KHDRBS3: variants seen among roughly 807,000 people sequenced by gnomAD.
KHDRBS3 encodes KH RNA binding domain containing, signal transduction associated 3, also known as KH domain-containing, RNA-binding, signal transduction-associated protein 3.
Under a neutral mutation model 45.6 loss-of-function variants are expected in KHDRBS3, and 23 were observed. The observed-to-expected ratio is 0.50, with a 90% CI of 0.36 to 0.72. KHDRBS3 has a LOEUF of 0.72. Among genes scored for constraint, KHDRBS3 ranks in the 30% least tolerant of loss-of-function variants. The probability of loss-of-function intolerance (pLI) is 0.00; values close to 1 mark genes in which losing one functional copy is unlikely to be tolerated. For synonymous variants in KHDRBS3, 162 were observed against 156.5 expected, an observed-to-expected ratio of 1.04 and a Z score of -0.26; for missense variants, 352 against 424.8, an observed-to-expected ratio of 0.83 and a Z score of 1.51.
intron 4 of KHDRBS3, among the ~76,000 whole-genome samples, chr8:135,551,353 C>T (rs987401900): frequency 1.3e-5 from 2 of 152,092 alleles, no homozygotes; most frequent in Non-Finnish European, 2.9e-5. Flanking sequence ...GGAAAGCATT[C>T]AGTCTTTCAC....
intron 6 of KHDRBS3, among the ~76,000 whole-genome samples, chr8:135,587,476 TG>T (rs1241062285): frequency 6.6e-6 from 1 of 152,226 alleles, no homozygotes; most frequent in African/African-American, 2.4e-5. Context: ...AGATAGTGGA[TG>T]TTTTTTCAGT....
chr8:135,621,535 G>A (rs534589561), intron 7 of KHDRBS3, among the ~76,000 whole-genome samples: 6 of 152,212 alleles, frequency 3.9e-5, no homozygotes, highest in Admixed American at 6.5e-5. Context: ...GTCACTATTC[G>A]AATGTAAGCT....
intron 5 of KHDRBS3, among the ~76,000 whole-genome samples, chr8:135,562,391 T>C (rs1187297245): frequency 1.3e-5 from 2 of 152,342 alleles, no homozygotes; most frequent in East Asian, 3.9e-4. Flanking sequence ...CAGTAGGCTG[T>C]ATCATATAGC....
chr8:135,560,941 T>C (rs1827138420), intron 5 of KHDRBS3, among the ~76,000 whole-genome samples: 2 of 152,190 alleles, frequency 1.3e-5, no homozygotes. Context: ...CACAACCCAC[T>C]TTACTTCCTC....
chr8:135,546,365 A>G (rs562321071), intron 3 of KHDRBS3, among the ~76,000 whole-genome samples: 1 of 152,302 alleles, frequency 6.6e-6, no homozygotes, highest in South Asian at 2.1e-4. Flanking sequence ...CACTATTAAA[A>G]TCTAATGTGA....
intron 5 of KHDRBS3, among the ~76,000 whole-genome samples, chr8:135,562,918 TATG>T (rs1202167298): frequency 2.6e-5 from 4 of 152,238 alleles, no homozygotes; most frequent in Non-Finnish European, 5.9e-5. Context: ...TTGGCCTTCA[TATG>T]ATGTGATAAT....
At chr8:135,581,551 TGAA>T (rs1828208366) in intron 5 of KHDRBS3, among the ~76,000 whole-genome samples, 1 of 152,040 alleles carries the variant, frequency 6.6e-6, no homozygotes, top group African/African-American at 2.4e-5. Context: ...AGTGTGGGAG[TGAA>T]GTTTGGGTGT....
intron 6 of KHDRBS3, among the ~76,000 whole-genome samples, chr8:135,584,315 ATACAAT>A (rs1335939339): frequency 6.6e-6 from 1 of 152,234 alleles, no homozygotes; most frequent in Non-Finnish European, 1.5e-5. Context: ...TATCAGCTTC[ATACAAT>A]TACAAGTCTT....
At chr8:135,515,354 A>T in intron 1 of KHDRBS3, among the ~76,000 whole-genome samples, 1 of 118,210 alleles carries the variant, frequency 8.5e-6, no homozygotes, top group South Asian at 3.2e-4. Flanking sequence ...CGACAGAGCG[A>T]GACTCCGTCT....
chr8:135,561,896 TA>T (rs1427427521), intron 5 of KHDRBS3, among the ~76,000 whole-genome samples: 1 of 152,034 alleles, frequency 6.6e-6, no homozygotes, highest in Non-Finnish European at 1.5e-5. Flanking sequence ...ACTGATAGGA[TA>T]AAGATATAAA....
intron 1 of KHDRBS3, among the ~76,000 whole-genome samples, chr8:135,502,177 G>T (rs1422510846): frequency 6.6e-6 from 1 of 152,064 alleles, no homozygotes; most frequent in Non-Finnish European, 1.5e-5. Flanking sequence ...GAATCTTCCT[G>T]CTACTGCCCT....
intron 1 of KHDRBS3, among the ~76,000 whole-genome samples, chr8:135,519,009 C>A (rs1292027903): frequency 1.3e-5 from 2 of 151,982 alleles, no homozygotes; most frequent in Admixed American, 1.3e-4. Flanking sequence ...TTACAGGTTC[C>A]ACTTAAAATT....
At chr8:135,646,969 T>A (rs775107175) in intron 8 of KHDRBS3, 24 bp from the exon 9 acceptor site, 1 of 1,299,212 alleles carries the variant, frequency 7.7e-7, no homozygotes. Context: ...GTGATCTAAT[T>A]GTGATTCATC....
intron 1 of KHDRBS3, among the ~76,000 whole-genome samples, chr8:135,520,651 T>C (rs545666776): frequency 1.3e-5 from 2 of 152,272 alleles, no homozygotes; most frequent in East Asian, 3.9e-4. Context: ...TTTAATGTGG[T>C]TGAGTCTCGA....
intron 6 of KHDRBS3, among the ~76,000 whole-genome samples, chr8:135,586,475 C>T (rs1828480372): frequency 6.6e-6 from 1 of 152,092 alleles, no homozygotes; most frequent in South Asian, 2.1e-4. Context: ...CTCTGTGTTC[C>T]TTGCAATTCA....
chr8:135,551,580 A>T (rs1387872763), intron 4 of KHDRBS3, among the ~76,000 whole-genome samples: 1 of 152,154 alleles, frequency 6.6e-6, no homozygotes, highest in African/African-American at 2.4e-5. Flanking sequence ...GTGAAGCCAC[A>T]TTTGCATTCC....
chr8:135,620,917 A>G (rs1830111593), intron 7 of KHDRBS3, among the ~76,000 whole-genome samples: 1 of 152,148 alleles, frequency 6.6e-6, no homozygotes, highest in African/African-American at 2.4e-5. Context: ...TTTTGTACTC[A>G]TGTTTATATC....
At chr8:135,498,471 T>C (rs528642412) in intron 1 of KHDRBS3, among the ~76,000 whole-genome samples, 1 of 151,970 alleles carries the variant, frequency 6.6e-6, no homozygotes, top group African/African-American at 2.4e-5. Flanking sequence ...CATCTGCTGA[T>C]AGATTTCATA....
At chr8:135,491,721 A>T (rs1196081864) in intron 1 of KHDRBS3, among the ~76,000 whole-genome samples, 2 of 152,154 alleles carry the variant, frequency 1.3e-5, no homozygotes, top group African/African-American at 4.8e-5. Context: ...TGAGACTCTC[A>T]CAGGGGGTCT....
Sources: gnomAD v4.1 joint callset for allele counts (sites outside exome capture counted in the v4.1 genomes callset) on GRCh38, gnomAD v4.1.1 for gene constraint, MANE v1.5 for transcripts, NCBI Gene and HGNC (gene_info 2026-07-23, HGNC 2026-07-21) for gene names.